Variants in PREX2 observed in about 807,000 individuals in gnomAD.
PREX2 encodes phosphatidylinositol-3,4,5-trisphosphate dependent Rac exchange factor 2, also known as phosphatidylinositol 3,4,5-trisphosphate-dependent Rac exchanger 2 protein.
Under a neutral mutation model 203.2 loss-of-function variants are expected in PREX2, and 107 were observed. The observed-to-expected ratio is 0.53, with a 90% CI of 0.45 to 0.62. PREX2 has a LOEUF of 0.62. Among genes scored for constraint, PREX2 ranks in the 20% least tolerant of loss-of-function variants. PREX2 has a pLI of 0.00. For missense variants in PREX2, 1,777 were observed against 1,955.9 expected (o/e 0.91, Z 1.72); for synonymous variants, 672 against 663.6 (o/e 1.01, Z -0.19).
At chr8:68,071,500 C>G (rs1390039643) in intron 13 of PREX2, among the ~76,000 whole-genome samples, 1 of 152,118 alleles carries the variant, frequency 6.6e-6, no homozygotes, top group African/African-American at 2.4e-5. Context: ...CACTTCAAGT[C>G]TTTTGCAGTT....
At chr8:68,138,140 C>G (rs1239498887) in intron 32 of PREX2, among the ~76,000 whole-genome samples, 1 of 151,978 alleles carries the variant, frequency 6.6e-6, no homozygotes, top group Non-Finnish European at 1.5e-5. Context: ...TAGAATCCAG[C>G]TACATAATAG....
At chr8:68,147,383 G>A (rs139213298) in intron 34 of PREX2, among the ~76,000 whole-genome samples, 1,702 of 152,216 alleles carry the variant, frequency 0.011, 18 homozygotes, top group Admixed American at 0.02. Context: ...GTTGTGGGAG[G>A]GACCTGGTGG....
At chr8:68,103,528 TC>T (rs1563547046) in intron 23 of PREX2, 1 of 518,714 alleles carries the variant, frequency 1.9e-6, no homozygotes. Context: ...GAAATAGCCC[TC>T]CCCTACCCCA....
At chr8:68,204,469 C>G (rs926716089) in intron 37 of PREX2, among the ~76,000 whole-genome samples, 1 of 152,008 alleles carries the variant, frequency 6.6e-6, no homozygotes, top group Non-Finnish European at 1.5e-5. Flanking sequence ...CCCTGTGCAG[C>G]GCTGAAAATG....
chr8:67,981,586 T>C (rs996569604), intron 1 of PREX2, among the ~76,000 whole-genome samples: 2 of 152,282 alleles, frequency 1.3e-5, no homozygotes, highest in African/African-American at 4.8e-5. Context: ...TAAATATGTC[T>C]AAGTGACAAG....
At chr8:67,965,008 G>T (rs1185528289) in intron 1 of PREX2, among the ~76,000 whole-genome samples, 2 of 152,164 alleles carry the variant, frequency 1.3e-5, no homozygotes, top group Admixed American at 1.3e-4. Context: ...AACCAAGGCA[G>T]TTGCTGGAGT....
At chr8:68,075,596 C>A (rs1809325895) in intron 14 of PREX2, among the ~76,000 whole-genome samples, 1 of 152,146 alleles carries the variant, frequency 6.6e-6, no homozygotes, top group African/African-American at 2.4e-5. Flanking sequence ...AAGTACTTAC[C>A]TTTTAATGAC....
chr8:67,986,465 G>GCA (rs1806428981), intron 1 of PREX2, among the ~76,000 whole-genome samples: 5 of 152,082 alleles, frequency 3.3e-5, no homozygotes, highest in African/African-American at 4.8e-5. Context: ...CTGTCTGCAG[G>GCA]TGGCTTGACT....
At chr8:68,096,913 C>T in intron 21 of PREX2, 104 bp from the exon 22 acceptor site, 1 of 862,142 alleles carries the variant, frequency 1.2e-6, no homozygotes, top group South Asian at 1.5e-5. Context: ...ATTTAACCAT[C>T]CCTTAAAGAA....
chr8:67,977,401 A>G (rs766891293), intron 1 of PREX2, among the ~76,000 whole-genome samples: 1 of 152,230 alleles, frequency 6.6e-6, no homozygotes, highest in Non-Finnish European at 1.5e-5. Context: ...AACTGAAACA[A>G]CATACAGGAA....
At chr8:68,096,593 C>G (rs377320944) in intron 21 of PREX2, among the ~76,000 whole-genome samples, 38 of 152,274 alleles carry the variant, frequency 2.5e-4, no homozygotes, top group African/African-American at 8.9e-4. Context: ...CTTGCATCTC[C>G]TTTCTGCTTC....
chr8:68,210,632 A>G, intron 37 of PREX2, among the ~76,000 whole-genome samples: 1 of 152,200 alleles, frequency 6.6e-6, no homozygotes. Context: ...GCTCAATAAA[A>G]TGCATTTCAG....
intron 13 of PREX2, among the ~76,000 whole-genome samples, chr8:68,071,739 A>AT (rs924232269): frequency 6.6e-6 from 1 of 152,116 alleles, no homozygotes; most frequent in Non-Finnish European, 1.5e-5. Flanking sequence ...GGGATGTAGT[A>AT]TCACTATGTC....
In PREX2 at chr8:68,117,635, A is replaced by T. The variant is rs77884626; in HGVS notation, c.3327-915A>T. 8.5e-3 allele frequency among the ~76,000 whole-genome samples: 1,290 copies of T among 152,312 alleles called. 49 individuals carry two copies. The highest frequency in any genetic ancestry group is 0.079 in the East Asian group (410 of 5,184). ...AAATTTTAAATGTAAATTTAAAGTT[A>T]AGGACGTCCTTTTTACTTATTCTGA... On this transcript the variant is annotated intron_variant, in intron 26 of 39. Transcript: ENST00000288368.
intron 20 of PREX2, among the ~76,000 whole-genome samples, chr8:68,093,321 C>T (rs768723243): frequency 3.7e-5 from 5 of 136,282 alleles, no homozygotes; most frequent in Non-Finnish European, 6.1e-5. Context: ...ATCAGGGAGG[C>T]GGAGGTTTTG....
At chr8:68,133,918 T>G in intron 31 of PREX2, 141 bp from the exon 32 acceptor site, 2 of 651,668 alleles carry the variant, frequency 3.1e-6, no homozygotes, top group Non-Finnish European at 5.3e-6. Flanking sequence ...GTGTGGTCAT[T>G]TATAGAGCTC....
intron 30 of PREX2, among the ~76,000 whole-genome samples, chr8:68,122,579 C>A (rs1181707320): frequency 2.0e-5 from 3 of 152,072 alleles, no homozygotes; most frequent in African/African-American, 7.2e-5. Context: ...TGCAGTTGTT[C>A]TCATCATCTT....
chr8:68,153,612 A>G (rs987107603), intron 34 of PREX2, among the ~76,000 whole-genome samples: 1 of 152,226 alleles, frequency 6.6e-6, no homozygotes, highest in African/African-American at 2.4e-5. Context: ...TGAAATTAAC[A>G]TGTTATTTAA....
intron 37 of PREX2, among the ~76,000 whole-genome samples, chr8:68,200,351 C>T (rs1812477395): frequency 6.6e-6 from 1 of 152,016 alleles, no homozygotes; most frequent in Non-Finnish European, 1.5e-5. Context: ...ATCTTAATTA[C>T]TCTCAGATGT....
Sources: allele counts gnomAD v4.1 joint callset (sites outside exome capture counted in the v4.1 genomes callset), GRCh38; gene constraint gnomAD v4.1.1; transcripts MANE v1.5; gene names NCBI Gene and HGNC (gene_info 2026-07-23, HGNC 2026-07-21).